Variants in TM4SF4 observed in about 807,000 individuals in gnomAD.
The protein encoded by TM4SF4 is transmembrane 4 L6 family member 4.
A neutral mutation model predicts 24.1 loss-of-function variants in TM4SF4; 24 were observed. The observed-to-expected ratio is 1.00, with a 90% CI of 0.72 to 1.40. TM4SF4 has a LOEUF of 1.40. TM4SF4 is among the 40% of genes most tolerant of loss of function. The probability of loss-of-function intolerance (pLI) is 0.00; values close to 1 mark genes in which losing one functional copy is unlikely to be tolerated. For missense variants in TM4SF4, 254 were observed against 254.2 expected, an observed-to-expected ratio of 1.00 and a Z score of 0.01; for synonymous variants, 113 against 97.0, an observed-to-expected ratio of 1.17 and a Z score of -0.97.
In TM4SF4 at chr3:149,498,911, G is replaced by A; in HGVS notation, c.591G>A (p.Gly197=). ...CGDCQCCGCC[G]GDGPV ...ACTGCCAGTGTTGTGGCTGCTGTGG[G>A]GTAAGTTCAGGCTTTTGCTGTTTCT... Residue 197 remains glycine (G), a splice_region_variant and synonymous_variant, in exon 4 of 5, where the codon GGG becomes GGA. Coordinates refer to ENST00000305354, the MANE Select transcript of TM4SF4 (RefSeq NM_004617.4). The A allele has an allele frequency of 6.2e-7, 1 of 1,613,740 alleles. No homozygotes were observed. Among genetic ancestry groups the A allele is most frequent in the Non-Finnish European group, 8.5e-7 (1 of 1,179,742 alleles).
chr3:149,475,985 G>A, intron 2 of TM4SF4, 73 bp downstream of exon 2: 4 of 1,328,370 alleles, frequency 3.0e-6, no homozygotes, highest in Non-Finnish European at 4.3e-6. Flanking sequence ...GCAGCATGGG[G>A]ATGGAGACAA....
rs1476796231 is a variant in TM4SF4, at chr3:149,475,033, A to T, written c.156A>T (p.Ile52=). Residue 52 remains isoleucine, a synonymous_variant, in exon 1 of 5, where the codon ATA becomes ATT. Transcript: ENST00000305354. ...LSQEIWFFGG[I]LGSGVLMIFP... The stretch of plus-strand genomic sequence containing the variant: ...AAGAGATCTGGTTTTTCGGAGGAAT[A>T]TTAGGAAGCGGTGTCTTGGTGAGTA... 6.2e-7 allele frequency: 1 copy of T among 1,612,780 alleles called. No individual in the cohort carries two copies.
chr3:149,499,091 C>T lies in TM4SF4; in HGVS notation c.591+180C>T, dbSNP rs56095245. On this transcript the variant is annotated intron_variant, in intron 4 of 4. Transcript: ENST00000305354. The stretch of plus-strand genomic sequence containing the variant: ...AGCCCTGTCTGTCAGCTCATGGAGA[C>T]AGACACATTGCATTACTGGAACCCA... Among the ~76,000 whole-genome samples, 153 of 152,338 alleles carry T rather than the reference C, an allele frequency of 1.0e-3. 1 individual carries two copies. Among genetic ancestry groups the T allele is most frequent in the Non-Finnish European group, 1.8e-3 (122 of 68,044 alleles).
chr3:149,477,441 T>A (rs1341307889), intron 2 of TM4SF4, among the ~76,000 whole-genome samples: 1 of 152,238 alleles, frequency 6.6e-6, no homozygotes, highest in Non-Finnish European at 1.5e-5. Flanking sequence ...ATTAACCACA[T>A]TTACTTTAAC....
intron 3 of TM4SF4, among the ~76,000 whole-genome samples, chr3:149,491,950 T>A (rs1037087711): frequency 1.3e-5 from 2 of 152,112 alleles, no homozygotes; most frequent in African/African-American, 4.8e-5. Flanking sequence ...GTGGTGAGAC[T>A]GAGAGGCAGC....
intron 4 of TM4SF4, among the ~76,000 whole-genome samples, chr3:149,499,301 T>C (rs751869526): frequency 2.6e-5 from 4 of 152,220 alleles, no homozygotes; most frequent in Non-Finnish European, 5.9e-5. Context: ...CATCACGGTC[T>C]GGGCTGGCAT....
In TM4SF4 at chr3:149,477,844, T is replaced by C. The variant is rs115216542; in HGVS notation, c.264+1932T>C. Among the ~76,000 whole-genome samples the C allele has an allele frequency of 6.3e-3, 964 of 152,280 alleles. 3 individuals carry two copies. The highest frequency in any genetic ancestry group is 8.3e-3 in the Non-Finnish European group (564 of 68,008). On this transcript the variant is annotated intron_variant, in intron 2 of 4. Coordinates refer to ENST00000305354, the MANE Select transcript of TM4SF4 (RefSeq NM_004617.4). ...ATAATCCCATTATATGTTGTGAACT[T>C]TTGGGGGATAGAAGTTGGAGATGAG...
intron 2 of TM4SF4, among the ~76,000 whole-genome samples, chr3:149,476,835 A>G (rs1255640032): frequency 8.1e-5 from 9 of 110,458 alleles, no homozygotes; most frequent in Admixed American, 2.4e-4. Context: ...TTTTTTTGAG[A>G]CAGGGTCTCA....
intron 2 of TM4SF4, among the ~76,000 whole-genome samples, chr3:149,483,719 T>A (rs1224116233): frequency 6.6e-6 from 1 of 152,168 alleles, no homozygotes; most frequent in East Asian, 1.9e-4. Flanking sequence ...TTTTAAATCA[T>A]GTTATATAAA....
chr3:149,502,049 C>G (rs1734437788), intron 4 of TM4SF4, among the ~76,000 whole-genome samples: 1 of 152,154 alleles, frequency 6.6e-6, no homozygotes, highest in Non-Finnish European at 1.5e-5. Context: ...TCATTTGAAT[C>G]CTTAGAAGGC....
At chr3:149,485,881 T>A (rs1310067651) in intron 2 of TM4SF4, among the ~76,000 whole-genome samples, 5 of 152,108 alleles carry the variant, frequency 3.3e-5, no homozygotes, top group Admixed American at 2.0e-4. Flanking sequence ...CAATCTAGAG[T>A]ACAGGGGTTG....
chr3:149,476,149 G>T (rs181045453), intron 2 of TM4SF4, among the ~76,000 whole-genome samples: 1 of 152,202 alleles, frequency 6.6e-6, no homozygotes, highest in African/African-American at 2.4e-5. Context: ...AAACCGACAG[G>T]GATGTCAGAA....
intron 3 of TM4SF4, among the ~76,000 whole-genome samples, chr3:149,488,655 G>T (rs1189187678): frequency 6.6e-6 from 1 of 152,166 alleles, no homozygotes; most frequent in Admixed American, 6.5e-5. Context: ...AGGGTTTGTA[G>T]CTACTGTATT....
At chr3:149,481,461 T>C (rs1734031962) in intron 2 of TM4SF4, among the ~76,000 whole-genome samples, 1 of 152,172 alleles carries the variant, frequency 6.6e-6, no homozygotes, top group South Asian at 2.1e-4. Context: ...ATGAGGAAAC[T>C]GGGGCTACTG....
intron 2 of TM4SF4, among the ~76,000 whole-genome samples, chr3:149,478,469 C>A (rs779485384): frequency 6.6e-6 from 1 of 152,104 alleles, no homozygotes; most frequent in Non-Finnish European, 1.5e-5. Context: ...TTTATAAGCA[C>A]ATTTCATTAA....
chr3:149,502,549 G>A, intron 4 of TM4SF4, 127 bp from the exon 5 acceptor site: 1 of 745,328 alleles, frequency 1.3e-6, no homozygotes, highest in East Asian at 2.5e-5. Context: ...GAAAAGTATA[G>A]GAAACATTCA....
intron 3 of TM4SF4, among the ~76,000 whole-genome samples, chr3:149,489,471 A>T (rs1734174290): frequency 6.6e-6 from 1 of 152,242 alleles, no homozygotes; most frequent in African/African-American, 2.4e-5. Context: ...AACAAAACAG[A>T]TGCCAAAAAA....
At chr3:149,482,843 C>T (rs4481102) in intron 2 of TM4SF4, among the ~76,000 whole-genome samples, 47,595 of 152,140 alleles carry the variant, frequency 0.31, 7,967 homozygotes, top group Non-Finnish European at 0.38. Context: ...CAAGCCCGGC[C>T]TTTCTTTCTT....
chr3:149,486,960 A>T (rs1337821726), intron 2 of TM4SF4, among the ~76,000 whole-genome samples: 1 of 152,208 alleles, frequency 6.6e-6, no homozygotes, highest in Non-Finnish European at 1.5e-5. Flanking sequence ...AGAAAACTTA[A>T]GATTACTGCC....
Sources: gnomAD v4.1 joint callset for allele counts (sites outside exome capture counted in the v4.1 genomes callset) on GRCh38, gnomAD v4.1.1 for gene constraint, MANE v1.5 for transcripts, NCBI Gene and HGNC (gene_info 2026-07-23, HGNC 2026-07-21) for gene names.